Variants in NDUFA11 observed in about 807,000 individuals in gnomAD.
The protein encoded by NDUFA11 is NADH dehydrogenase [ubiquinone] 1 alpha subcomplex subunit 11.
In NDUFA11, 14 loss-of-function variants were observed where a neutral mutation model predicts 11.3. The observed-to-expected ratio is 1.24, with a 90% CI of 0.82 to 1.94. The LOEUF (loss-of-function observed/expected upper bound fraction) is 1.94. Among genes scored for constraint, NDUFA11 ranks in the 30% most tolerant of loss-of-function variants. The pLI, the probability that NDUFA11 is intolerant of heterozygous loss-of-function variation, is 0.00. For synonymous variants in NDUFA11, 87 were observed against 85.6 expected (o/e 1.02, Z -0.09); for missense variants, 204 against 200.3 (o/e 1.02, Z -0.11).
At chr19:5,901,572 C>A in intron 1 of NDUFA11, 1 of 775,842 alleles carries the variant, frequency 1.3e-6, no homozygotes, top group Non-Finnish European at 1.8e-6. Flanking sequence ...GCAACTTTGG[C>A]CGGGCCCTGT....
downstream of NDUFA11, among the ~76,000 whole-genome samples, chr19:5,894,231 G>A (rs1015076555): frequency 6.6e-6 from 1 of 152,220 alleles, no homozygotes; most frequent in Non-Finnish European, 1.5e-5. Context: ...GGGGCTCTCC[G>A]CTCCAGTGCC....
At chr19:5,892,777 G>A (rs1275213424), downstream of NDUFA11, 11 of 1,152,468 alleles carry the variant, frequency 9.5e-6, no homozygotes, top group South Asian at 2.4e-5. Flanking sequence ...TGCGATGCCC[G>A]TGAGTGGATG....
chr19:5,900,651 C>T (rs949368835), intron 1 of NDUFA11, among the ~76,000 whole-genome samples: 5 of 152,230 alleles, frequency 3.3e-5, no homozygotes, highest in African/African-American at 9.6e-5. Flanking sequence ...GGTGCAGTGG[C>T]TCACGCCTGT....
At chr19:5,897,059 G>C (rs911221860) in intron 1 of NDUFA11, 62 bp from the exon 2 acceptor site, 3 of 1,363,850 alleles carry the variant, frequency 2.2e-6, no homozygotes, top group Non-Finnish European at 3.1e-6. Flanking sequence ...GCTTGGCCGG[G>C]CACCCCACTG....
chr19:5,902,203 C>T lies in NDUFA11; in HGVS notation c.97+1409G>A, dbSNP rs780457532. Among the ~76,000 whole-genome samples, 2 of 151,962 alleles carry T rather than the reference C, an allele frequency of 1.3e-5. 1 individual carries two copies. Among genetic ancestry groups the T allele is most frequent in the South Asian group, 4.1e-4 (2 of 4,826 alleles). On this transcript the variant is annotated intron_variant, in intron 1 of 3. Transcript: ENST00000308961. ...TGTTAGCCAGGATGGTCTCAATCTC[C>T]TGACCTCATGATCCGCCTCCCAAAG...
chr19:5,900,542 G>A (rs150448039), intron 1 of NDUFA11, among the ~76,000 whole-genome samples: 4 of 152,346 alleles, frequency 2.6e-5, no homozygotes, highest in African/African-American at 9.6e-5. Context: ...GCCCCGGAAT[G>A]AAGTGAGTGG....
intron 1 of NDUFA11, among the ~76,000 whole-genome samples, chr19:5,899,264 C>T (rs1332622483): frequency 6.6e-6 from 1 of 151,458 alleles, no homozygotes; most frequent in Non-Finnish European, 1.5e-5. Context: ...ATTCTCCTGC[C>T]TCAGCCTCCC....
chr19:5,903,514 C>T lies in NDUFA11; in HGVS notation c.97+98G>A, dbSNP rs569084365. 3.7e-5 allele frequency: 44 copies of T among 1,187,898 alleles called. No homozygotes were observed. In the South Asian group the frequency reaches 5.4e-4, roughly 15 times the overall value. 73.6% of individuals were successfully genotyped at this position (1,187,898 alleles called of 1,614,324 possible). On this transcript the variant is annotated intron_variant, in intron 1 of 3. Transcript: ENST00000308961. ...CCGATGACAACCACGTGCGTACCCGCGAGACTCCCAGACCCGTTCGATCCA... is the reference window on the plus strand; with the variant it reads ...CCGATGACAACCACGTGCGTACCCGTGAGACTCCCAGACCCGTTCGATCCA...
intron 1 of NDUFA11, chr19:5,901,329 A>G (rs1200285189): frequency 7.8e-7 from 1 of 1,282,840 alleles, no homozygotes; most frequent in Non-Finnish European, 1.0e-6. Flanking sequence ...GACCCTCGAT[A>G]AGGACCTGAT....
chr19:5,898,938 G>A (rs924217056), intron 1 of NDUFA11, among the ~76,000 whole-genome samples: 1 of 151,094 alleles, frequency 6.6e-6, no homozygotes, highest in Admixed American at 6.6e-5. Context: ...TCTGGGGGCT[G>A]TGGCAGGAAA....
chr19:5,900,088 C>G (rs901032120), intron 1 of NDUFA11: 3 of 152,186 alleles, frequency 2.0e-5, no homozygotes, highest in Non-Finnish European at 4.4e-5. Context: ...CTGATTATCC[C>G]ATAGAGGTCA....
Position 5,896,547 on chromosome 19 carries a change from G to C in NDUFA11, c.219C>G (p.Thr73=). The change falls in exon 3 of 4, where the codon ACC becomes ACG. Residue 73 remains threonine, a synonymous_variant. Coordinates refer to ENST00000308961, the MANE Select transcript of NDUFA11 (RefSeq NM_175614.5). The surrounding 1 kb of genome is among the most constrained non-coding windows in gnomAD (Gnocchi z 5.8). ...CGCGGACATGGGCGCTGATGCAGGTGGTGAGGCCAAACACGGCCCCGACAG... is the reference window on the plus strand; with the variant it reads ...CGCGGACATGGGCGCTGATGCAGGTCGTGAGGCCAAACACGGCCCCGACAG... The part of the protein sequence containing the change: ...AAAVGAVFGL[T]TCISAHVREK... 1 of 1,568,728 alleles carries C rather than the reference G, an allele frequency of 6.4e-7. No individual in the cohort carries two copies.
chr19:5,896,629 C>A lies in NDUFA11; in HGVS notation c.191-54G>T. 6.4e-7 allele frequency: 1 copy of A among 1,552,470 alleles called. No homozygotes were observed. Among genetic ancestry groups the A allele is most frequent in the Non-Finnish European group, 8.7e-7 (1 of 1,148,744 alleles). ...CTCGAGACGGGCACAGCAGGAGCCT[C>A]TTGGGCGCTCACTGCCAGTGTCTGG... is the stretch of plus-strand genomic sequence containing the variant. On this transcript the variant is annotated intron_variant, in intron 2 of 3. Coordinates refer to ENST00000308961, the MANE Select transcript of NDUFA11 (RefSeq NM_175614.5). This position sits in a 1 kb window ranked among gnomAD's most constrained non-coding sequence, Gnocchi z 5.8.
chr19:5,903,385 T>C (rs971412052), intron 1 of NDUFA11, among the ~76,000 whole-genome samples: 7 of 152,096 alleles, frequency 4.6e-5, no homozygotes, highest in Non-Finnish European at 8.8e-5. Context: ...CCCCAGGGAC[T>C]AGCTTGTCGC....
intron 3 of NDUFA11, chr19:5,895,105 T>C (rs1408044340): frequency 7.6e-6 from 4 of 528,336 alleles, no homozygotes; most frequent in East Asian, 6.5e-5. Flanking sequence ...CGCCCCACAC[T>C]GACTTCCCCC....
intron 3 of NDUFA11, chr19:5,895,707 C>G (rs1047399463): frequency 1.3e-5 from 2 of 153,234 alleles, no homozygotes; most frequent in Non-Finnish European, 2.9e-5. Flanking sequence ...CACAGGCGGG[C>G]ACTGACGCTG....
intron 1 of NDUFA11, chr19:5,901,269 A>T: frequency 8.1e-7 from 1 of 1,229,904 alleles, no homozygotes. Flanking sequence ...CGTCTTTCTC[A>T]GTTTCAGATC....
At chr19:5,903,534 G>T (rs2057658950) in intron 1 of NDUFA11, 78 bp downstream of exon 1, 6 of 1,381,510 alleles carry the variant, frequency 4.3e-6, no homozygotes, top group South Asian at 3.7e-5. Context: ...AGACCCGTTC[G>T]ATCCAAACAG....
intron 1 of NDUFA11, 129 bp from the exon 2 acceptor site, chr19:5,897,126 CG>C: frequency 1.3e-6 from 1 of 777,702 alleles, no homozygotes; most frequent in Non-Finnish European, 2.3e-6. Context: ...ATAGTGTCCC[CG>C]GCTGCTGAGT....
Sources: gnomAD v4.1 joint callset for allele counts (sites outside exome capture counted in the v4.1 genomes callset) on GRCh38, gnomAD v4.1.1 for gene constraint, Gnocchi (gnomAD v3.1) non-coding constraint, MANE v1.5 for transcripts, NCBI Gene and HGNC (gene_info 2026-07-23, HGNC 2026-07-21) for gene names.